Variants in ADAMTS13 observed in about 807,000 individuals in gnomAD.
ADAMTS13 encodes A disintegrin and metalloproteinase with thrombospondin motifs 13.
In ADAMTS13, 110 loss-of-function variants were observed where a neutral mutation model predicts 155.1. That is an observed-to-expected ratio of 0.71 (90% confidence interval 0.61 to 0.83). The LOEUF (loss-of-function observed/expected upper bound fraction) is 0.83, where lower values mean the gene tolerates loss of function less well. Among genes scored for constraint, ADAMTS13 ranks in the 40% least tolerant of loss-of-function variants. The pLI, the probability that ADAMTS13 is intolerant of heterozygous loss-of-function variation, is 0.00. For synonymous variants in ADAMTS13, 758 were observed against 756.4 expected (o/e 1.00, Z -0.03); for missense variants, 1,707 against 1,891.7 (o/e 0.90, Z 1.81).
chr9:133,458,169 C>T, intron 28 of ADAMTS13, 75 bp downstream of exon 28: 1 of 1,547,018 alleles, frequency 6.5e-7, no homozygotes, highest in Non-Finnish European at 8.8e-7. Context: ...AGGGGACCCC[C>T]TTCAGTTTAT....
In ADAMTS13 at chr9:133,456,323, G is replaced by T. The variant is rs1842741083; in HGVS notation, c.3547+108G>T. The T allele has an allele frequency of 6.5e-7, 1 of 1,544,634 alleles. No homozygotes were observed. Among genetic ancestry groups the T allele is most frequent in the Non-Finnish European group, 8.8e-7 (1 of 1,133,242 alleles). On this transcript the variant is annotated intron_variant, in intron 26 of 28. Transcript: ENST00000355699. This position sits in a 1 kb window ranked among gnomAD's most constrained non-coding sequence, Gnocchi z 4.4. ...CAGGAGCCCATGTGCATTCCCACCTGTAGTTTGCATCCCATCTCATGACTG... is the reference window on the plus strand; with the variant it reads ...CAGGAGCCCATGTGCATTCCCACCTTTAGTTTGCATCCCATCTCATGACTG...
At chr9:133,453,963 GAATGC>G (rs1204106240) in intron 23 of ADAMTS13, among the ~76,000 whole-genome samples, 9 of 152,146 alleles carry the variant, frequency 5.9e-5, no homozygotes, top group Admixed American at 4.6e-4. Context: ...GGGCTCTGAA[GAATGC>G]GGGCCATAAT....
At chr9:133,453,515 A>G (rs751839047) in intron 23 of ADAMTS13, among the ~76,000 whole-genome samples, 29 of 152,170 alleles carry the variant, frequency 1.9e-4, no homozygotes, top group Non-Finnish European at 2.9e-4. Flanking sequence ...TACAAAAATT[A>G]GCCAGGCATG....
At chr9:133,438,494 C>T (rs1054347028) in intron 14 of ADAMTS13, 128 bp downstream of exon 14, 51 of 1,417,098 alleles carry the variant, frequency 3.6e-5, no homozygotes, top group Non-Finnish European at 4.5e-5. Context: ...TGGATGCCTC[C>T]TGTGGTGTCA....
Position 133,440,492 on chromosome 9 carries a change from C to A in ADAMTS13, c.1935C>A (p.Ile645=), listed in dbSNP as rs141265567. Residue 645 remains isoleucine, a synonymous_variant, in exon 16 of 29, where the codon ATC becomes ATA. Transcript: ENST00000355699. This position sits in a 1 kb window ranked among gnomAD's most constrained non-coding sequence, Gnocchi z 4.3. The part of the protein sequence containing the change: ...DRLPRLEEIR[I]WGPLQEDADI... ...TGCCCCGCCTGGAGGAGATCCGCAT[C>A]TGGGGACCCCTCCAGGAAGATGCTG... 1.3e-5 allele frequency: 21 copies of A among 1,611,692 alleles called. No homozygotes were observed. In the African/African-American group the frequency reaches 2.8e-4, roughly 22 times the overall value.
Position 133,456,328 on chromosome 9 carries a change from T to A in ADAMTS13, c.3547+113T>A. The A allele has an allele frequency of 6.5e-7, 1 of 1,527,902 alleles. No individual in the cohort carries two copies. Among genetic ancestry groups the A allele is most frequent in the Non-Finnish European group, 8.9e-7 (1 of 1,120,520 alleles). The allele number at this position is 1,527,902 out of a possible 1,614,324, so 94.6% of individuals were successfully genotyped here. ...GCCCATGTGCATTCCCACCTGTAGT[T>A]TGCATCCCATCTCATGACTGGGGAG... On this transcript the variant is annotated intron_variant, in intron 26 of 28. Coordinates refer to ENST00000355699, the MANE Select transcript of ADAMTS13 (RefSeq NM_139027.6). This position sits in a 1 kb window ranked among gnomAD's most constrained non-coding sequence, Gnocchi z 4.4.
At position 133,458,555 on chromosome 9, in the gene ADAMTS13, CAAAAAA is replaced by C. The variant is rs10699153; in HGVS notation, c.3910-403_3910-398del. On this transcript the variant is annotated intron_variant, in intron 28 of 28. Transcript: ENST00000355699. ...TGGGCAACAGAGTGAGACTCTGTCTCAAAAAAAAAAAAAAAAAAAAAGCGAAATGGT... is the reference window on the plus strand; with the variant it reads ...TGGGCAACAGAGTGAGACTCTGTCTCAAAAAAAAAAAAAAAGCGAAATGGT... 1.8e-3 allele frequency among the ~76,000 whole-genome samples: 103 copies of C among 56,228 alleles called. 5 individuals carry two copies. Among genetic ancestry groups the C allele is most frequent in the South Asian group, 6.0e-3 (5 of 830 alleles). The allele number at this position is 56,228 out of a possible 152,430, so 36.9% of individuals were successfully genotyped here.
Position 133,424,239 on chromosome 9 carries a change from G to A in ADAMTS13, c.173-82G>A, listed in dbSNP as rs587635825. On this transcript the variant is annotated intron_variant, in intron 2 of 28. Transcript: ENST00000355699. This position sits in a 1 kb window ranked among gnomAD's most constrained non-coding sequence, Gnocchi z 4.3. Reference sequence around the variant, plus strand: ...TGACTTCGGAAGGCCATCCTTCCAAGACCTGCCAGCCCCTTTCCTGTTAGC... The same window carrying A: ...TGACTTCGGAAGGCCATCCTTCCAAAACCTGCCAGCCCCTTTCCTGTTAGC... 3 of 1,595,576 alleles carry A rather than the reference G, an allele frequency of 1.9e-6. No homozygotes were observed. Among genetic ancestry groups the A allele is most frequent in the East Asian group, 4.5e-5 (2 of 44,812 alleles).
At position 133,433,687 on chromosome 9, in the gene ADAMTS13, G is replaced by A. The variant is rs781915989; in HGVS notation, c.1291G>A (p.Glu431Lys). ...RACVGADLQA[E>K]MCNTQACEKT... is the part of the protein sequence containing the mutation. The stretch of plus-strand genomic sequence containing the variant: ...ATGTGTTGGTGCTGACCTCCAGGCC[G>A]AGATGTGCAACACTCAGGTAGGCCT... The change falls in exon 11 of 29, where the codon GAG becomes AAG. Residue 431 changes from glutamate to lysine, a missense_variant. Glu to Lys is a moderately conservative substitution (Grantham distance 56). Coordinates refer to ENST00000355699, the MANE Select transcript of ADAMTS13 (RefSeq NM_139027.6). 6.8e-6 allele frequency: 11 copies of A among 1,613,516 alleles called. No individual in the cohort carries two copies. The highest frequency in any genetic ancestry group is 2.7e-5 in the African/African-American group (2 of 74,886).
rs1554793915 is a variant in ADAMTS13 at position 133,449,949 on chromosome 9, G to A, written c.3028G>A (p.Glu1010Lys). 3.7e-6 allele frequency: 6 copies of A among 1,605,904 alleles called. No individual in the cohort carries two copies. The highest frequency in any genetic ancestry group is 5.1e-6 in the Non-Finnish European group (6 of 1,177,604). ...GGAACCCCAGGAGGCCTGCAGCCTG[G>A]AGCCCTGCCCACCTAGGTGAGTCAG... is the stretch of plus-strand genomic sequence containing the variant. ...RPEPQEACSLEPCPPRWKVMS... is the reference protein window; with the variant it reads ...RPEPQEACSLKPCPPRWKVMS... The change falls in exon 23 of 29, where the codon GAG becomes AAG. Residue 1010 changes from glutamate (E) to lysine (K), a missense_variant. Glu to Lys is a moderately conservative substitution (Grantham distance 56). Transcript: ENST00000355699.
chr9:133,450,225 G>A (rs1409482416), intron 23 of ADAMTS13, among the ~76,000 whole-genome samples: 2 of 152,094 alleles, frequency 1.3e-5, no homozygotes, highest in Non-Finnish European at 2.9e-5. Context: ...CTGAGGTCAG[G>A]AGCTTGAGAC....
In ADAMTS13 at chr9:133,432,458, A is replaced by G. The variant is rs1840841245; in HGVS notation, c.988-130A>G. 1.4e-5 allele frequency: 11 copies of G among 803,650 alleles called. No homozygotes were observed. The South Asian group carries it at 1.6e-4, about 12-fold the overall frequency. The allele number at this position is 803,650 out of a possible 1,614,324, so 49.8% of individuals were successfully genotyped here. A position where few individuals can be genotyped will look rare whatever the true frequency, so the allele number is the denominator to read the frequency against. On this transcript the variant is annotated intron_variant, in intron 8 of 28. Transcript: ENST00000355699. The stretch of plus-strand genomic sequence containing the variant: ...TCATGCCTTGTCCTCTGAGGGCACC[A>G]GTGCCCACGGTGCAGAGTGTTGGCT...
intron 11 of ADAMTS13, among the ~76,000 whole-genome samples, chr9:133,435,686 C>T (rs921720889): frequency 3.1e-4 from 45 of 143,626 alleles, no homozygotes; most frequent in African/African-American, 9.5e-4. Flanking sequence ...CCCGCCACCA[C>T]GCCCGGCTAA....
At chr9:133,417,762 C>G (rs782267475), upstream of ADAMTS13, 1 of 1,612,820 alleles carries the variant, frequency 6.2e-7, no homozygotes, top group East Asian at 2.2e-5. Flanking sequence ...GTTTTTCTTC[C>G]GAGTGAGCGT....
chr9:133,436,731 A>C, intron 11 of ADAMTS13, 98 bp from the exon 12 acceptor site: 10 of 1,253,910 alleles, frequency 8.0e-6, no homozygotes, highest in Non-Finnish European at 5.6e-6. Flanking sequence ...CCACACCCAC[A>C]TCTTGATCCT....
intron 1 of ADAMTS13, chr9:133,415,690 G>A (rs1554781425): frequency 6.6e-6 from 1 of 152,172 alleles, no homozygotes; most frequent in East Asian, 1.9e-4. Context: ...AGAACTGAAG[G>A]GCTGACTTTC....
upstream of ADAMTS13, chr9:133,417,913 G>A (rs587626367): frequency 1.2e-5 from 18 of 1,458,914 alleles, no homozygotes; most frequent in South Asian, 2.1e-4. Flanking sequence ...CGGCGCCCTG[G>A]CAGCACAAGC....
chr9:133,435,977 CT>C lies in ADAMTS13; in HGVS notation c.1309-832del, dbSNP rs781795173. The stretch of plus-strand genomic sequence containing the variant: ...CTGTTGTTGTTTTTTCTTTTCTCTT[CT>C]TTTTTTTTTTTTTTTTTTTAATAGA... On this transcript the variant is annotated intron_variant, in intron 11 of 28. Coordinates refer to ENST00000355699, the MANE Select transcript of ADAMTS13 (RefSeq NM_139027.6). Among the ~76,000 whole-genome samples, 817 of 128,362 alleles carry C rather than the reference CT, an allele frequency of 6.4e-3. 6 individuals carry two copies. Among genetic ancestry groups the C allele is most frequent in the East Asian group, 0.029 (129 of 4,518 alleles). The allele number at this position is 128,362 out of a possible 152,430, so 84.2% of individuals were successfully genotyped here.
At chr9:133,426,399 C>A (rs909908074) in intron 6 of ADAMTS13, 54 bp downstream of exon 6, 7 of 1,596,236 alleles carry the variant, frequency 4.4e-6, no homozygotes, top group African/African-American at 1.3e-5. Flanking sequence ...GACCTGGGTA[C>A]CCAGGGTGGA....
Sources: gnomAD v4.1 joint callset for allele counts (sites outside exome capture counted in the v4.1 genomes callset) on GRCh38, gnomAD v4.1.1 for gene constraint, Gnocchi (gnomAD v3.1) non-coding constraint, MANE v1.5 for transcripts, NCBI Gene and HGNC (gene_info 2026-07-23, HGNC 2026-07-21) for gene names.